Variants in CENPP observed in about 807,000 individuals in gnomAD.
The protein encoded by CENPP is centromere protein P.
Under a neutral mutation model 35.6 loss-of-function variants are expected in CENPP, and 24 were observed. The observed-to-expected ratio is 0.67, with a 90% confidence interval of 0.49 to 0.95. The LOEUF (loss-of-function observed/expected upper bound fraction) is 0.95, where lower values mean the gene tolerates loss of function less well. Ranked by LOEUF, CENPP falls within the 40% of genes least tolerant of loss-of-function variation. The pLI is 0.00. For synonymous variants in CENPP, 120 were observed against 125.5 expected, an observed-to-expected ratio of 0.96 and a Z score of 0.29; for missense variants, 332 against 345.3, an observed-to-expected ratio of 0.96 and a Z score of 0.31.
At chr9:92,354,278 C>T (rs575560058) in intron 4 of CENPP, among the ~76,000 whole-genome samples, 4 of 152,200 alleles carry the variant, frequency 2.6e-5, no homozygotes, top group Non-Finnish European at 4.4e-5. Flanking sequence ...AATCAACCTG[C>T]CACCAGGTAG....
At chr9:92,592,028 A>G (rs1850674411) in intron 5 of CENPP, among the ~76,000 whole-genome samples, 1 of 152,132 alleles carries the variant, frequency 6.6e-6, no homozygotes, top group African/African-American at 2.4e-5. Context: ...CATTGTGCAC[A>G]TGTACCCTAA....
intron 4 of CENPP, among the ~76,000 whole-genome samples, chr9:92,368,702 T>A (rs1171213894): frequency 6.6e-6 from 1 of 152,162 alleles, no homozygotes; most frequent in African/African-American, 2.4e-5. Context: ...ATATTTGACA[T>A]ATATCTGTGT....
chr9:92,577,336 A>C (rs1283420698), intron 5 of CENPP, among the ~76,000 whole-genome samples: 1 of 152,202 alleles, frequency 6.6e-6, no homozygotes, highest in African/African-American at 2.4e-5. Flanking sequence ...CAACATGGCA[A>C]AACCCTGTCT....
rs756484983 is a variant in CENPP at position 92,417,174 on chromosome 9, A to G, written c.564+37315A>G. 15 of 1,613,784 alleles carry G rather than the reference A, an allele frequency of 9.3e-6. No individual in the cohort carries two copies. In the South Asian group the frequency reaches 1.5e-4, roughly 17 times the overall value. On this transcript the variant is annotated intron_variant, in intron 5 of 7. Coordinates refer to ENST00000375587, the MANE Select transcript of CENPP (RefSeq NM_001012267.3). ...AACACACCATAATCAATCTTTTGAGATTTAATTTTGTTGTGGCTGAGGTTA... is the reference window on the plus strand; with the variant it reads ...AACACACCATAATCAATCTTTTGAGGTTTAATTTTGTTGTGGCTGAGGTTA...
At chr9:92,608,365 A>G (rs562282585) in intron 5 of CENPP, among the ~76,000 whole-genome samples, 2 of 152,322 alleles carry the variant, frequency 1.3e-5, no homozygotes, top group African/African-American at 4.8e-5. Flanking sequence ...TTGTCATGGA[A>G]AGCATTCGAA....
intron 5 of CENPP, chr9:92,403,110 C>T (rs910675693): frequency 4.3e-5 from 26 of 600,208 alleles, no homozygotes; most frequent in East Asian, 3.7e-4. Flanking sequence ...ATTATGAATT[C>T]GTTTGAATCA....
chr9:92,456,427 A>T (rs187458284), intron 5 of CENPP: 77 of 152,708 alleles, frequency 5.0e-4, no homozygotes, highest in African/African-American at 1.6e-3. Context: ...TAGAATTGTT[A>T]GTGTCCAGGC....
At chr9:92,343,881 T>C (rs1270005741) in intron 3 of CENPP, among the ~76,000 whole-genome samples, 1 of 148,990 alleles carries the variant, frequency 6.7e-6, no homozygotes, top group Non-Finnish European at 1.5e-5. Flanking sequence ...GAGGATTGCT[T>C]GAGCCCACAA....
chr9:92,535,309 C>T (rs72754444), intron 5 of CENPP, among the ~76,000 whole-genome samples: 6,067 of 152,192 alleles, frequency 0.04, 185 homozygotes, highest in South Asian at 0.099. Context: ...CAGAATTTTG[C>T]TTTGCACTTA....
chr9:92,618,946 T>C lies in CENPP; in HGVS notation c.*5797T>C, dbSNP rs1588330137. The stretch of plus-strand genomic sequence containing the variant: ...TCTAACGACTATGAGATTATCAGTT[T>C]CATCCCGAATTCCCAGAAACAGAGG... On this transcript the variant is annotated 3_prime_UTR_variant, in exon 8 of 8. Coordinates refer to ENST00000375587, the MANE Select transcript of CENPP (RefSeq NM_001012267.3). The C allele has an allele frequency of 3.6e-6, 1 of 278,768 alleles. No individual in the cohort carries two copies. 17.3% of individuals were successfully genotyped at this position (278,768 alleles called of 1,614,324 possible). A position where few individuals can be genotyped will look rare whatever the true frequency, so the allele number is the denominator to read the frequency against.
chr9:92,588,998 C>G (rs1217042491), intron 5 of CENPP, among the ~76,000 whole-genome samples: 1 of 151,978 alleles, frequency 6.6e-6, no homozygotes, highest in Non-Finnish European at 1.5e-5. Context: ...GCTTAATATG[C>G]AAATGTATCA....
At chr9:92,509,253 G>C (rs1227388779) in intron 5 of CENPP, among the ~76,000 whole-genome samples, 1 of 152,124 alleles carries the variant, frequency 6.6e-6, no homozygotes, top group East Asian at 1.9e-4. Flanking sequence ...GAGTACAGAA[G>C]TTCCAGCCCA....
chr9:92,547,585 T>C (rs891895900), intron 5 of CENPP, among the ~76,000 whole-genome samples: 3 of 152,230 alleles, frequency 2.0e-5, no homozygotes, highest in South Asian at 2.1e-4. Flanking sequence ...TTGAATGATT[T>C]CATTCGTATG....
intron 5 of CENPP, chr9:92,538,934 A>G (rs1201950591): frequency 2.0e-5 from 3 of 152,226 alleles, no homozygotes; most frequent in Admixed American, 2.0e-4. Context: ...TAGAGTACCA[A>G]TAAATTGGGG....
chr9:92,617,441 T>C lies in CENPP; in HGVS notation c.*4292T>C, dbSNP rs1301392854. On this transcript the variant is annotated 3_prime_UTR_variant, in exon 8 of 8. Coordinates refer to ENST00000375587, the MANE Select transcript of CENPP (RefSeq NM_001012267.3). Reference sequence around the variant, plus strand: ...CTGGGTCAACCACAAGCTAGCTCCATGGGAACCAATGGCAGTGACCAGCGG... The same window carrying C: ...CTGGGTCAACCACAAGCTAGCTCCACGGGAACCAATGGCAGTGACCAGCGG... The C allele has an allele frequency of 3.9e-5, 6 of 152,478 alleles. No homozygotes were observed. The highest frequency in any genetic ancestry group is 8.8e-5 in the Non-Finnish European group (6 of 68,272). The allele number at this position is 152,478 out of a possible 1,614,324, so 9.4% of individuals were successfully genotyped here.
intron 1 of CENPP, among the ~76,000 whole-genome samples, chr9:92,331,932 C>T (rs746210103): frequency 4.0e-5 from 6 of 151,816 alleles, no homozygotes; most frequent in African/African-American, 7.3e-5. Context: ...TGGGTGACAG[C>T]GTAAGACCCT....
intron 4 of CENPP, among the ~76,000 whole-genome samples, chr9:92,359,134 A>G (rs1232727713): frequency 6.6e-6 from 1 of 151,688 alleles, no homozygotes; most frequent in African/African-American, 2.4e-5. Flanking sequence ...TTTTTAGTAG[A>G]GAGGGGGTTT....
chr9:92,431,192 A>G (rs945150503), intron 5 of CENPP, among the ~76,000 whole-genome samples: 1 of 152,164 alleles, frequency 6.6e-6, no homozygotes, highest in Non-Finnish European at 1.5e-5. Flanking sequence ...ATCCCACTGA[A>G]TATGTTGCTG....
chr9:92,586,289 C>T (rs1850539006), intron 5 of CENPP, among the ~76,000 whole-genome samples: 1 of 152,152 alleles, frequency 6.6e-6, no homozygotes, highest in Non-Finnish European at 1.5e-5. Flanking sequence ...AGGTGATCCG[C>T]CAGCCTTGAC....
Sources: gnomAD v4.1 joint callset for allele counts (sites outside exome capture counted in the v4.1 genomes callset) on GRCh38, gnomAD v4.1.1 for gene constraint, MANE v1.5 for transcripts, NCBI Gene and HGNC (gene_info 2026-07-23, HGNC 2026-07-21) for gene names.